The following PFKP variants were observed in gnomAD, a reference collection of about 807,000 sequenced individuals.
The protein encoded by PFKP is phosphofructokinase, platelet.
PFKP carries 101 observed loss-of-function variants against 94.3 expected under a neutral mutation model. The observed-to-expected ratio is 1.07, with a 90% confidence interval of 0.91 to 1.26. PFKP has a LOEUF of 1.26. Ranked by LOEUF, PFKP falls within the 50% of genes most tolerant of loss-of-function variation. The pLI, the probability that PFKP is intolerant of heterozygous loss-of-function variation, is 0.00. For synonymous variants in PFKP, 573 were observed against 432.6 expected (o/e 1.32, Z -4.03); for missense variants, 1,145 against 1,103.3 (o/e 1.04, Z -0.53).
intron 1 of PFKP, chr10:3,069,425 C>A (rs762732855): frequency 3.2e-6 from 5 of 1,559,334 alleles, no homozygotes; most frequent in South Asian, 2.4e-5. Flanking sequence ...GGGATAGGAC[C>A]CAGAGTGGCT....
Position 3,133,217 on chromosome 10 carries a change from G to C in PFKP, c.1925G>C (p.Ser642Thr), listed in dbSNP as rs749013676. The C allele has an allele frequency of 6.2e-7, 1 of 1,613,702 alleles. No individual in the cohort carries two copies. Residue 642 changes from serine to threonine, a missense_variant, in exon 19 of 22, where the codon AGT becomes ACT. Transcript: ENST00000381125. ...RGLVLRNESC[S>T]ENYTTDFIYQ... Reference sequence around the variant, plus strand: ...GCTCGTTTCAGAAATGAGAGCTGCAGTGAAAACTACACCACCGACTTCATT... The same window carrying C: ...GCTCGTTTCAGAAATGAGAGCTGCACTGAAAACTACACCACCGACTTCATT...
At chr10:3,099,378 G>T (rs528085967) in intron 3 of PFKP, 26 bp downstream of exon 3, 1 of 1,568,584 alleles carries the variant, frequency 6.4e-7, no homozygotes, top group Non-Finnish European at 8.8e-7. Context: ...CGTCCACAGG[G>T]TTCTCTGAGT....
intron 2 of PFKP, among the ~76,000 whole-genome samples, chr10:3,089,136 T>C (rs1270493900): frequency 6.6e-6 from 1 of 152,190 alleles, no homozygotes; most frequent in Non-Finnish European, 1.5e-5. Context: ...TTTCACCATG[T>C]TGGCCAGGCT....
At chr10:3,091,430 T>C (rs1057402060) in intron 2 of PFKP, among the ~76,000 whole-genome samples, 8 of 152,138 alleles carry the variant, frequency 5.3e-5, no homozygotes, top group Non-Finnish European at 1.0e-4. Flanking sequence ...TTGCATTTGG[T>C]TTCATTCATG....
chr10:3,076,013 G>A (rs1184341323), intron 1 of PFKP, among the ~76,000 whole-genome samples: 17 of 74,896 alleles, frequency 2.3e-4, no homozygotes, highest in Admixed American at 2.5e-4. Flanking sequence ...GCGAGACTCC[G>A]TCTCAAAAAA....
intron 4 of PFKP, among the ~76,000 whole-genome samples, chr10:3,103,384 C>T (rs112665162): frequency 1.6e-4 from 24 of 152,300 alleles, no homozygotes; most frequent in African/African-American, 5.3e-4. Context: ...CAGTGGCTCA[C>T]ACCTATAATC....
intron 3 of PFKP, chr10:3,101,142 C>A: frequency 1.3e-6 from 1 of 764,688 alleles, no homozygotes; most frequent in South Asian, 1.6e-5. Context: ...TGCACCCTCC[C>A]TGGCTCCTCC....
chr10:3,114,877 C>T (rs1194886231), intron 13 of PFKP, among the ~76,000 whole-genome samples: 1 of 152,182 alleles, frequency 6.6e-6, no homozygotes, highest in African/African-American at 2.4e-5. Context: ...AGGGACTGGC[C>T]CACACCAAGA....
intron 14 of PFKP, among the ~76,000 whole-genome samples, chr10:3,117,927 T>G (rs1352012922): frequency 1.3e-5 from 2 of 152,196 alleles, no homozygotes; most frequent in African/African-American, 2.4e-5. Flanking sequence ...CTGAACGTTT[T>G]TGCCCTACGG....
chr10:3,127,037 C>T (rs996662248), intron 16 of PFKP, among the ~76,000 whole-genome samples: 3 of 152,272 alleles, frequency 2.0e-5, no homozygotes, highest in African/African-American at 7.2e-5. Flanking sequence ...TGCCACACTG[C>T]AGGCAGGCAG....
chr10:3,088,860 C>G (rs989654195), intron 2 of PFKP, among the ~76,000 whole-genome samples: 1 of 151,940 alleles, frequency 6.6e-6, no homozygotes, highest in African/African-American at 2.4e-5. Context: ...GTTCTCGTCT[C>G]TATGAGATCA....
intron 1 of PFKP, among the ~76,000 whole-genome samples, chr10:3,078,128 C>G (rs1228763510): frequency 6.6e-6 from 1 of 152,216 alleles, no homozygotes; most frequent in African/African-American, 2.4e-5. Context: ...TGAAACTGCC[C>G]TTTGTCCCTT....
intron 8 of PFKP, among the ~76,000 whole-genome samples, chr10:3,108,449 T>A (rs754053200): frequency 2.0e-5 from 3 of 152,210 alleles, no homozygotes; most frequent in Non-Finnish European, 2.9e-5. Context: ...ACGAACATAT[T>A]ACTTGTATTC....
intron 1 of PFKP, among the ~76,000 whole-genome samples, chr10:3,078,490 A>G (rs192136740): frequency 6.6e-6 from 1 of 152,318 alleles, no homozygotes; most frequent in Non-Finnish European, 1.5e-5. Flanking sequence ...GCTTAGAACT[A>G]AACAGTCTCC....
At chr10:3,112,386 T>C in intron 11 of PFKP, 100 bp downstream of exon 11, 1 of 902,550 alleles carries the variant, frequency 1.1e-6, no homozygotes. Context: ...TCCATGTCAC[T>C]GTGAAAAATC....
chr10:3,117,769 T>G (rs1157716758), intron 14 of PFKP, among the ~76,000 whole-genome samples: 1 of 152,186 alleles, frequency 6.6e-6, no homozygotes, highest in African/African-American at 2.4e-5. Context: ...GCACAGGTGC[T>G]TGATAGGGCC....
Position 3,105,101 on chromosome 10 carries a change from T to C in PFKP, c.621-14T>C, listed in dbSNP as rs1372888094. ...TCTGAGCTGTGTCCGGGGCTCCCTC[T>C]GTTTCTCTTCCAGCCACCAGAGGAC... On this transcript the variant is annotated splice_polypyrimidine_tract_variant and intron_variant, in intron 5 of 21. Transcript: ENST00000381125. The C allele has an allele frequency of 6.2e-7, 1 of 1,613,734 alleles. No individual in the cohort carries two copies. The highest frequency in any genetic ancestry group is 1.1e-5 in the South Asian group (1 of 91,040).
Position 3,135,758 on chromosome 10 carries a change from T to A in PFKP, c.2145T>A (p.Asp715Glu), listed in dbSNP as rs1839195640. 11 of 1,612,288 alleles carry A rather than the reference T, an allele frequency of 6.8e-6. No individual in the cohort carries two copies. The highest frequency in any genetic ancestry group is 9.3e-6 in the Non-Finnish European group (11 of 1,178,492). Residue 715 changes from aspartate (D) to glutamate (E), a missense_variant, in exon 21 of 22, where the codon GAT (aspartate) becomes GAA (glutamate). Transcript: ENST00000381125. ...TAGGAAAAAAATTTACCACCGATGATTCCATTTGTGTGCTGGGAATAAGCA... is the reference window on the plus strand; with the variant it reads ...TAGGAAAAAAATTTACCACCGATGAATCCATTTGTGTGCTGGGAATAAGCA... ...RGRGKKFTTD[D>E]SICVLGISKR...
intron 8 of PFKP, among the ~76,000 whole-genome samples, chr10:3,107,605 G>A (rs560395714): frequency 1.3e-5 from 2 of 152,254 alleles, no homozygotes; most frequent in East Asian, 1.9e-4. Context: ...AGAATGTTCC[G>A]GCTCTTAAAC....
Sources: gnomAD v4.1 joint callset for allele counts (sites outside exome capture counted in the v4.1 genomes callset) on GRCh38, gnomAD v4.1.1 for gene constraint, MANE v1.5 for transcripts, NCBI Gene and HGNC (gene_info 2026-07-23, HGNC 2026-07-21) for gene names.